Variants in PIGL observed in about 807,000 individuals in gnomAD.
PIGL encodes N-acetylglucosaminyl-phosphatidylinositol de-N-acetylase.
In PIGL, 22 loss-of-function variants were observed where a neutral mutation model predicts 31.1. The ratio of observed to expected loss-of-function variants is 0.71; its 90% CI spans 0.51 to 1.01. The LOEUF (loss-of-function observed/expected upper bound fraction) is 1.01. PIGL is among the 50% of genes least tolerant of loss of function. The pLI is 0.00. For synonymous variants in PIGL, 131 were observed against 117.4 expected, an observed-to-expected ratio of 1.12 and a Z score of -0.75; for missense variants, 302 against 315.9, an observed-to-expected ratio of 0.96 and a Z score of 0.33.
intron 1 of PIGL, among the ~76,000 whole-genome samples, chr17:16,225,797 G>A (rs568186059): frequency 1.3e-5 from 2 of 151,938 alleles, no homozygotes; most frequent in East Asian, 1.9e-4. Flanking sequence ...GGCCATAGAG[G>A]TCATATAAAT....
intron 5 of PIGL, 109 bp from the exon 6 acceptor site, chr17:16,317,666 C>A: frequency 6.5e-7 from 1 of 1,544,736 alleles, no homozygotes; most frequent in Non-Finnish European, 8.7e-7. Flanking sequence ...AATGCTGTGG[C>A]CACTGTCCTG....
At chr17:16,309,710 G>A (rs939386878) in intron 3 of PIGL, among the ~76,000 whole-genome samples, 88 of 149,728 alleles carry the variant, frequency 5.9e-4, no homozygotes, top group Non-Finnish European at 2.8e-4. Context: ...GCAGTGAGCC[G>A]AGAAATTGCG....
intron 3 of PIGL, among the ~76,000 whole-genome samples, chr17:16,308,443 C>T (rs1419761813): frequency 1.3e-5 from 2 of 152,178 alleles, no homozygotes; most frequent in Admixed American, 6.6e-5. Flanking sequence ...CCCTCTATCT[C>T]AACTTTCATT....
chr17:16,263,176 G>A (rs993300692), intron 2 of PIGL, among the ~76,000 whole-genome samples: 6 of 151,734 alleles, frequency 4.0e-5, no homozygotes, highest in Non-Finnish European at 7.4e-5. Flanking sequence ...CTAAAAAATT[G>A]AATTGTACAG....
At chr17:16,314,407 C>T (rs1357262728) in intron 4 of PIGL, among the ~76,000 whole-genome samples, 1 of 152,204 alleles carries the variant, frequency 6.6e-6, no homozygotes, top group Non-Finnish European at 1.5e-5. Context: ...CCATTAAGTC[C>T]AATCACTGGG....
At chr17:16,279,006 G>A (rs1404331698) in intron 2 of PIGL, among the ~76,000 whole-genome samples, 1 of 152,154 alleles carries the variant, frequency 6.6e-6, no homozygotes, top group Non-Finnish European at 1.5e-5. Context: ...TGGGTTTCAG[G>A]GTAGAGCGCT....
intron 3 of PIGL, among the ~76,000 whole-genome samples, chr17:16,305,080 A>G (rs994292078): frequency 1.3e-5 from 2 of 152,192 alleles, no homozygotes; most frequent in Admixed American, 1.3e-4. Flanking sequence ...GCTTGAGACC[A>G]GCCTGGGCAA....
At position 16,265,469 on chromosome 17, in the gene PIGL, G is replaced by A. The variant is rs191513821; in HGVS notation, c.335+31399G>A. Among the ~76,000 whole-genome samples, 617 of 152,206 alleles carry A rather than the reference G, an allele frequency of 4.1e-3. 6 individuals are homozygous for A. The highest frequency in any genetic ancestry group is 0.014 in the African/African-American group (564 of 41,530). The stretch of plus-strand genomic sequence containing the variant: ...AAGAATCAGGGAAACCAGACCAGGC[G>A]CGGTGGCTCATGCCTGTAATCCCAG... On this transcript the variant is annotated intron_variant, in intron 2 of 6. Transcript: ENST00000225609.
At chr17:16,301,849 G>T (rs923802611) in intron 3 of PIGL, among the ~76,000 whole-genome samples, 2 of 151,558 alleles carry the variant, frequency 1.3e-5, no homozygotes, top group Non-Finnish European at 2.9e-5. Flanking sequence ...GATTACAGGC[G>T]TGAGCCACCA....
intron 1 of PIGL, among the ~76,000 whole-genome samples, chr17:16,227,421 A>G (rs1349328356): frequency 6.6e-6 from 1 of 151,852 alleles, no homozygotes; most frequent in Non-Finnish European, 1.5e-5. Flanking sequence ...AAAGGTAGCA[A>G]TTTCATTAGT....
intron 2 of PIGL, among the ~76,000 whole-genome samples, chr17:16,254,511 G>C (rs143917368): frequency 0.021 from 3,247 of 152,072 alleles, 60 homozygotes; most frequent in Non-Finnish European, 0.034. Flanking sequence ...CAGGTAATCC[G>C]CCCACCTCGG....
chr17:16,218,372 C>G (rs1170428070), intron 1 of PIGL, among the ~76,000 whole-genome samples: 1 of 152,080 alleles, frequency 6.6e-6, no homozygotes, highest in South Asian at 2.1e-4. Context: ...TGTGCTAGGC[C>G]TTATTCTATG....
At chr17:16,300,681 G>GAA (rs139875064) in intron 3 of PIGL, among the ~76,000 whole-genome samples, 7 of 116,864 alleles carry the variant, frequency 6.0e-5, no homozygotes, top group Admixed American at 8.9e-5. Context: ...CTCTGTCTCA[G>GAA]AAAAAAAAAA....
chr17:16,223,093 G>A (rs1037198680), intron 1 of PIGL, among the ~76,000 whole-genome samples: 12 of 152,156 alleles, frequency 7.9e-5, no homozygotes, highest in Non-Finnish European at 1.5e-4. Context: ...CTATGTAGAC[G>A]TTTACAGTCT....
intron 6 of PIGL, among the ~76,000 whole-genome samples, chr17:16,321,706 TTTCCTTCC>T (rs562711098): frequency 6.6e-5 from 10 of 152,208 alleles, no homozygotes; most frequent in African/African-American, 2.4e-4. Flanking sequence ...GTTTTATTCT[TTTCCTTCC>T]TTCCTTCCTT....
At chr17:16,268,997 A>C (rs2092858149) in intron 2 of PIGL, among the ~76,000 whole-genome samples, 1 of 152,014 alleles carries the variant, frequency 6.6e-6, no homozygotes, top group South Asian at 2.1e-4. Context: ...CTCCTGACCT[A>C]ATGATCTGCC....
intron 2 of PIGL, among the ~76,000 whole-genome samples, chr17:16,267,405 C>T (rs1430494533): frequency 6.6e-6 from 1 of 151,726 alleles, no homozygotes; most frequent in Non-Finnish European, 1.5e-5. Flanking sequence ...GATGGGAAGG[C>T]GGGAGAGGCA....
intron 6 of PIGL, among the ~76,000 whole-genome samples, chr17:16,321,942 G>A (rs1475920018): frequency 6.6e-6 from 1 of 151,702 alleles, no homozygotes; most frequent in Non-Finnish European, 1.5e-5. Flanking sequence ...ACGCCACCAC[G>A]CCTGGCTAAT....
rs542655150 is a variant in PIGL at position 16,288,914 on chromosome 17, C to T, written c.336-10974C>T. Among the ~76,000 whole-genome samples, 36 of 152,314 alleles carry T rather than the reference C, an allele frequency of 2.4e-4. 1 individual carries two copies. The highest frequency in any genetic ancestry group is 7.2e-4 in the African/African-American group (30 of 41,568). ...CCTGTGAACCATCTTGAAAGTTTTG[C>T]CTTTTATTCTCAGTTCTCTTTTGCT... On this transcript the variant is annotated intron_variant, in intron 2 of 6. Coordinates refer to ENST00000225609, the MANE Select transcript of PIGL (RefSeq NM_004278.4).
Sources: gnomAD v4.1 joint callset for allele counts (sites outside exome capture counted in the v4.1 genomes callset) on GRCh38, gnomAD v4.1.1 for gene constraint, MANE v1.5 for transcripts, NCBI Gene and HGNC (gene_info 2026-07-23, HGNC 2026-07-21) for gene names.